SLC4A10: variants seen among roughly 807,000 people sequenced by gnomAD.
The protein encoded by SLC4A10 is solute carrier family 4 member 10, also known as sodium-driven chloride bicarbonate exchanger.
Under a neutral mutation model 137.7 loss-of-function variants are expected in SLC4A10, and 42 were observed. The observed-to-expected ratio is 0.30, with a 90% confidence interval of 0.24 to 0.39. SLC4A10 has a LOEUF of 0.39. Among genes scored for constraint, SLC4A10 ranks in the 10% least tolerant of loss-of-function variants. The pLI is 1.00. For synonymous variants in SLC4A10, 474 were observed against 464.1 expected (o/e 1.02, Z -0.27); for missense variants, 925 against 1,355.0 (o/e 0.68, Z 4.98).
intron 3 of SLC4A10, among the ~76,000 whole-genome samples, chr2:161,826,987 G>A (rs148442482): frequency 6.6e-6 from 1 of 152,188 alleles, no homozygotes; most frequent in Admixed American, 6.5e-5. Flanking sequence ...TGAGATGTAT[G>A]TTCCATGAAG....
At chr2:161,739,575 C>T (rs2047672378) in intron 1 of SLC4A10, among the ~76,000 whole-genome samples, 1 of 152,134 alleles carries the variant, frequency 6.6e-6, no homozygotes, top group Non-Finnish European at 1.5e-5. Flanking sequence ...GTAAGCAAAG[C>T]CCAGTCCAGA....
At chr2:161,668,443 C>T (rs1265186975) in intron 1 of SLC4A10, among the ~76,000 whole-genome samples, 1 of 151,674 alleles carries the variant, frequency 6.6e-6, no homozygotes, top group African/African-American at 2.4e-5. Context: ...TACAGAGAAA[C>T]AGTTTACCCC....
chr2:161,889,322 T>C (rs371057791), intron 10 of SLC4A10, among the ~76,000 whole-genome samples: 19 of 152,276 alleles, frequency 1.2e-4, no homozygotes, highest in African/African-American at 4.3e-4. Context: ...GGAGTCCCTC[T>C]TTTTCTGTTG....
chr2:161,860,275 T>G (rs149624061), intron 5 of SLC4A10, among the ~76,000 whole-genome samples: 106 of 152,336 alleles, frequency 7.0e-4, no homozygotes, highest in Admixed American at 3.3e-3. Context: ...CTGTTTCAAA[T>G]AAAAATCTTA....
intron 2 of SLC4A10, among the ~76,000 whole-genome samples, chr2:161,789,269 CAGTT>C (rs2053960455): frequency 6.6e-6 from 1 of 152,168 alleles, no homozygotes; most frequent in Admixed American, 6.5e-5. Context: ...TGTCAGTCAG[CAGTT>C]AGTCACAGGA....
rs143072394 is a variant in SLC4A10, at chr2:161,909,723, C to T, written c.1997+3836C>T. On this transcript the variant is annotated intron_variant, in intron 15 of 26. Coordinates refer to ENST00000446997, the MANE Select transcript of SLC4A10 (RefSeq NM_001178015.2). The stretch of plus-strand genomic sequence containing the variant: ...AATCTTTTTTTTGCTATGCATAGAA[C>T]GCATATATTTACTAGTGTACTTTTA... Among the ~76,000 whole-genome samples the T allele has an allele frequency of 5.9e-5, 9 of 152,272 alleles. No homozygotes were observed. In the East Asian group the frequency reaches 7.7e-4, roughly 13 times the overall value.
rs538038605 is a variant in SLC4A10 at position 161,799,436 on chromosome 2, T to C, written c.131-5013T>C. Among the ~76,000 whole-genome samples, 29 of 152,066 alleles carry C rather than the reference T, an allele frequency of 1.9e-4. No individual in the cohort carries two copies. In the South Asian group the frequency reaches 6.0e-3, roughly 31 times the overall value. On this transcript the variant is annotated intron_variant, in intron 2 of 26. Transcript: ENST00000446997. ...TAATCTGGAAATGTTATTTCTGTAC[T>C]ATTCTTTACAGGACCTGAGGGGATT... is the stretch of plus-strand genomic sequence containing the variant.
chr2:161,639,178 TA>T (rs2034922524), intron 1 of SLC4A10, among the ~76,000 whole-genome samples: 1 of 152,082 alleles, frequency 6.6e-6, no homozygotes, highest in Non-Finnish European at 1.5e-5. Flanking sequence ...CTAATGGCTT[TA>T]CTGCTGAATC....
chr2:161,974,626 AG>A (rs879682210), intron 24 of SLC4A10, among the ~76,000 whole-genome samples: 14 of 152,194 alleles, frequency 9.2e-5, no homozygotes, highest in Non-Finnish European at 1.9e-4. Flanking sequence ...AGACAGATCA[AG>A]GTTCCTTTTT....
At chr2:161,666,699 AAGG>A (rs2039083928) in intron 1 of SLC4A10, among the ~76,000 whole-genome samples, 1 of 151,698 alleles carries the variant, frequency 6.6e-6, no homozygotes, top group Non-Finnish European at 1.5e-5. Context: ...TTTAATATGG[AAGG>A]AGTTCTTAAG....
At chr2:161,756,277 A>C (rs1251867786) in intron 1 of SLC4A10, among the ~76,000 whole-genome samples, 8 of 152,194 alleles carry the variant, frequency 5.3e-5, no homozygotes, top group Non-Finnish European at 1.2e-4. Context: ...ATTAGTGAGA[A>C]ATTACATACA....
intron 1 of SLC4A10, among the ~76,000 whole-genome samples, chr2:161,678,577 A>G (rs2040511271): frequency 6.6e-6 from 1 of 152,164 alleles, no homozygotes; most frequent in African/African-American, 2.4e-5. Context: ...ATCAAGGTAT[A>G]CAACTTTTCC....
Position 161,683,584 on chromosome 2 carries a change from T to C in SLC4A10, c.48+59018T>C, listed in dbSNP as rs574686319. Among the ~76,000 whole-genome samples, 219 of 152,306 alleles carry C rather than the reference T, an allele frequency of 1.4e-3. 1 individual carries two copies. The highest frequency in any genetic ancestry group is 3.4e-3 in the Middle Eastern group (1 of 294). The stretch of plus-strand genomic sequence containing the variant: ...TTGCTTATTCTGTTCTTTTGTTGGT[T>C]GGTTGAAATGTTTAGAGATTTCTTA... On this transcript the variant is annotated intron_variant, in intron 1 of 26. Transcript: ENST00000446997.
At chr2:161,918,536 A>G (rs1687543097) in intron 15 of SLC4A10, among the ~76,000 whole-genome samples, 1 of 152,184 alleles carries the variant, frequency 6.6e-6, no homozygotes, top group Non-Finnish European at 1.5e-5. Flanking sequence ...TATTATGTGT[A>G]TGAGGTTACA....
intron 2 of SLC4A10, among the ~76,000 whole-genome samples, chr2:161,774,035 AT>A (rs1472320146): frequency 6.6e-6 from 1 of 151,636 alleles, no homozygotes; most frequent in Non-Finnish European, 1.5e-5. Context: ...AGTCTTTCCC[AT>A]TATACAGCCT....
At chr2:161,658,270 A>C (rs2063804) in intron 1 of SLC4A10, among the ~76,000 whole-genome samples, 132,535 of 152,154 alleles carry the variant, frequency 0.87, 58,349 homozygotes, top group East Asian at 1. Context: ...CAGAGCAGAA[A>C]AAAATCAATT....
intron 11 of SLC4A10, among the ~76,000 whole-genome samples, chr2:161,895,780 T>G (rs2063421031): frequency 6.6e-6 from 1 of 152,146 alleles, no homozygotes; most frequent in African/African-American, 2.4e-5. Context: ...TTCTTGTAAA[T>G]TTGTTTGAGT....
intron 1 of SLC4A10, among the ~76,000 whole-genome samples, chr2:161,717,236 T>C (rs2045022981): frequency 6.6e-6 from 1 of 151,958 alleles, no homozygotes; most frequent in Admixed American, 6.6e-5. Context: ...GATCATGTCA[T>C]GGGCAAAGAC....
chr2:161,847,068 T>A (rs1195458157), intron 4 of SLC4A10, among the ~76,000 whole-genome samples: 2 of 141,748 alleles, frequency 1.4e-5, no homozygotes, highest in African/African-American at 5.5e-5. Flanking sequence ...GAGACCCCCA[T>A]CTCTATTAAA....
Sources: allele counts gnomAD v4.1 joint callset (sites outside exome capture counted in the v4.1 genomes callset), GRCh38; gene constraint gnomAD v4.1.1; transcripts MANE v1.5; gene names NCBI Gene and HGNC (gene_info 2026-07-23, HGNC 2026-07-21).